Variants in GMDS observed in about 807,000 individuals in gnomAD.
GMDS encodes the protein GDP-mannose 4,6 dehydratase.
GMDS carries 20 observed loss-of-function variants against 49.9 expected under a neutral mutation model. The ratio of observed to expected loss-of-function variants is 0.40; its 90% CI spans 0.28 to 0.58. The LOEUF (loss-of-function observed/expected upper bound fraction) is 0.58. GMDS is among the 20% of genes least tolerant of loss of function. GMDS has a pLI of 0.42. For synonymous variants in GMDS, 177 were observed against 178.6 expected (o/e 0.99, Z 0.07); for missense variants, 362 against 481.4 (o/e 0.75, Z 2.32).
At chr6:1,873,962 C>G (rs1039082552) in intron 7 of GMDS, among the ~76,000 whole-genome samples, 1 of 152,196 alleles carries the variant, frequency 6.6e-6, no homozygotes, top group Non-Finnish European at 1.5e-5. Flanking sequence ...TTTGTGTTCC[C>G]CAAAGGCCAC....
At chr6:2,092,455 C>T (rs1406711552) in intron 4 of GMDS, among the ~76,000 whole-genome samples, 1 of 152,168 alleles carries the variant, frequency 6.6e-6, no homozygotes, top group Non-Finnish European at 1.5e-5. Context: ...TTTTCTATTA[C>T]AGTATATACC....
intron 7 of GMDS, among the ~76,000 whole-genome samples, chr6:1,824,064 C>T (rs1771003854): frequency 6.6e-6 from 1 of 152,130 alleles, no homozygotes; most frequent in Non-Finnish European, 1.5e-5. Flanking sequence ...TACCACCCTA[C>T]CATCCCTGAG....
chr6:1,880,456 C>T (rs1759310558), intron 7 of GMDS, among the ~76,000 whole-genome samples: 1 of 152,050 alleles, frequency 6.6e-6, no homozygotes, highest in African/African-American at 2.4e-5. Context: ...GATTTTGTCT[C>T]TAAAACAACA....
intron 4 of GMDS, among the ~76,000 whole-genome samples, chr6:2,037,512 ACT>A (rs1769373360): frequency 6.6e-6 from 1 of 152,068 alleles, no homozygotes; most frequent in South Asian, 2.1e-4. Flanking sequence ...AGGAAAGAAA[ACT>A]CTGGTTTGGT....
At chr6:1,677,925 C>T (rs564817505) in intron 9 of GMDS, among the ~76,000 whole-genome samples, 67 of 151,938 alleles carry the variant, frequency 4.4e-4, no homozygotes, top group Non-Finnish European at 2.9e-5. Flanking sequence ...TACACATGCA[C>T]CCTAGAACTT....
intron 9 of GMDS, among the ~76,000 whole-genome samples, chr6:1,676,444 T>C (rs1764628573): frequency 6.6e-6 from 1 of 152,128 alleles, no homozygotes. Context: ...TTAAACTTCA[T>C]ATGGAACCAA....
chr6:1,990,741 A>ATTTT (rs70992118), intron 4 of GMDS, among the ~76,000 whole-genome samples: 9 of 144,102 alleles, frequency 6.2e-5, no homozygotes, highest in South Asian at 2.2e-4. Flanking sequence ...CACCCAGCTA[A>ATTTT]TTTTTTTTTT....
In GMDS at chr6:1,801,580, C is replaced by T. The variant is rs1367363042; in HGVS notation, c.772-58994G>A. ...ATTCCCCACCCCACCTCACTCCCGT[C>T]GGAGAGGCAGGGCAAAGGGAGCAGA... On this transcript the variant is annotated intron_variant, in intron 7 of 10. Transcript: ENST00000380815. 5.3e-5 allele frequency among the ~76,000 whole-genome samples: 8 copies of T among 152,226 alleles called. 1 individual carries two copies. The highest frequency in any genetic ancestry group is 3.3e-4 in the Admixed American group (5 of 15,292).
chr6:2,036,359 C>T (rs1769305780), intron 4 of GMDS, among the ~76,000 whole-genome samples: 1 of 151,988 alleles, frequency 6.6e-6, no homozygotes, highest in Non-Finnish European at 1.5e-5. Flanking sequence ...TTCATAAACG[C>T]AGATCTCGGG....
At chr6:1,952,457 G>GGAT (rs1025144871) in intron 6 of GMDS, among the ~76,000 whole-genome samples, 7 of 152,066 alleles carry the variant, frequency 4.6e-5, no homozygotes, top group Middle Eastern at 3.4e-3. Context: ...TTCACAGTAA[G>GGAT]GATGATGATG....
intron 9 of GMDS, among the ~76,000 whole-genome samples, chr6:1,711,273 C>T (rs1454102595): frequency 1.3e-5 from 2 of 152,202 alleles, no homozygotes; most frequent in Non-Finnish European, 2.9e-5. Context: ...GCCTCAGGAT[C>T]CCTGCAGAGT....
intron 9 of GMDS, among the ~76,000 whole-genome samples, chr6:1,709,225 C>T (rs986118081): frequency 6.6e-6 from 1 of 152,242 alleles, no homozygotes; most frequent in African/African-American, 2.4e-5. Flanking sequence ...CCTTGTAGTG[C>T]TGCTGCTGAG....
chr6:2,089,060 C>CA (rs1203287516), intron 4 of GMDS, among the ~76,000 whole-genome samples: 23 of 151,850 alleles, frequency 1.5e-4, no homozygotes, highest in African/African-American at 2.9e-4. Flanking sequence ...TAAAACAAAA[C>CA]AAAAAAAACT....
intron 7 of GMDS, among the ~76,000 whole-genome samples, chr6:1,777,823 T>G (rs1248008686): frequency 6.6e-6 from 1 of 152,182 alleles, no homozygotes; most frequent in Admixed American, 6.5e-5. Context: ...CGGCTCACCA[T>G]GAATAACGAA....
chr6:1,725,322 T>C (rs1283794542), intron 9 of GMDS, among the ~76,000 whole-genome samples: 1 of 152,260 alleles, frequency 6.6e-6, no homozygotes, highest in Non-Finnish European at 1.5e-5. Flanking sequence ...GAGGATGTTA[T>C]GTTCTAACAA....
intron 1 of GMDS, among the ~76,000 whole-genome samples, chr6:2,207,103 T>C (rs917404926): frequency 6.6e-6 from 1 of 152,190 alleles, no homozygotes; most frequent in African/African-American, 2.4e-5. Flanking sequence ...ACACACATCA[T>C]GTAAAAGAAG....
At chr6:2,059,251 T>C (rs184632893) in intron 4 of GMDS, among the ~76,000 whole-genome samples, 1 of 151,258 alleles carries the variant, frequency 6.6e-6, no homozygotes, top group Admixed American at 6.6e-5. Context: ...GAGGTGTATA[T>C]TTGAAAATAT....
chr6:1,929,898 A>G (rs540059355), intron 7 of GMDS, among the ~76,000 whole-genome samples: 108 of 152,352 alleles, frequency 7.1e-4, no homozygotes, highest in Non-Finnish European at 1.3e-3. Flanking sequence ...TTCAAGTACC[A>G]TTCAGTGTAA....
intron 3 of GMDS, 62 bp downstream of exon 3, chr6:2,117,407 G>C (rs1457368398): frequency 2.1e-6 from 2 of 962,302 alleles, no homozygotes; most frequent in Non-Finnish European, 3.4e-6. Flanking sequence ...CACCTTATCT[G>C]AACATAGGAA....
Sources: gnomAD v4.1 joint callset for allele counts (sites outside exome capture counted in the v4.1 genomes callset) on GRCh38, gnomAD v4.1.1 for gene constraint, MANE v1.5 for transcripts, NCBI Gene and HGNC (gene_info 2026-07-23, HGNC 2026-07-21) for gene names.